HSF2BP: variants seen among roughly 807,000 people sequenced by gnomAD.
HSF2BP encodes heat shock factor 2-binding protein.
Under a neutral mutation model 35.0 loss-of-function variants are expected in HSF2BP, and 35 were observed. That is an observed-to-expected ratio of 1.00 (90% CI 0.76 to 1.32). The LOEUF (loss-of-function observed/expected upper bound fraction) is 1.32. Ranked by LOEUF, HSF2BP falls within the 40% of genes most tolerant of loss-of-function variation. The pLI is 0.00. For missense variants in HSF2BP, 326 were observed against 321.7 expected, an observed-to-expected ratio of 1.01 and a Z score of -0.10; for synonymous variants, 114 against 117.4, an observed-to-expected ratio of 0.97 and a Z score of 0.18.
At chr21:43,626,029 G>C (rs990374664) in intron 6 of HSF2BP, among the ~76,000 whole-genome samples, 64 of 152,152 alleles carry the variant, frequency 4.2e-4, no homozygotes, top group African/African-American at 1.4e-3. Context: ...AATGCCTTCT[G>C]TTAAAAGACA....
intron 6 of HSF2BP, among the ~76,000 whole-genome samples, chr21:43,625,633 T>C (rs918171312): frequency 6.6e-6 from 1 of 152,198 alleles, no homozygotes; most frequent in African/African-American, 2.4e-5. Context: ...AAAGGATCCA[T>C]TTGAGAGCTA....
rs1229635553 is a variant in HSF2BP, at chr21:43,597,477, T to TA, written c.693-5150dup. Among the ~76,000 whole-genome samples the TA allele has an allele frequency of 2.6e-5, 4 of 152,290 alleles. No homozygotes were observed. The highest frequency in any genetic ancestry group is 4.2e-4 in the South Asian group (2 of 4,818). ...TTTTTAAAAATGTAATGCAATATTT[T>TA]AAAAAAATATATTAAAAATGCCCTA... On this transcript the variant is annotated intron_variant, in intron 7 of 8. Coordinates refer to ENST00000291560, the MANE Select transcript of HSF2BP (RefSeq NM_007031.2). This position sits in a 1 kb window ranked among gnomAD's most constrained non-coding sequence, Gnocchi z 4.3.
chr21:43,622,715 A>G (rs544087884), intron 6 of HSF2BP, among the ~76,000 whole-genome samples: 3 of 152,312 alleles, frequency 2.0e-5, no homozygotes, highest in Non-Finnish European at 2.9e-5. Flanking sequence ...CTGCAGTACA[A>G]TAACAGTAGA....
chr21:43,650,919 T>C (rs899650176), intron 3 of HSF2BP, among the ~76,000 whole-genome samples: 2 of 151,954 alleles, frequency 1.3e-5, no homozygotes, highest in South Asian at 4.2e-4. Context: ...TGTCGGCCAG[T>C]CTGGTCTCGA....
chr21:43,653,051 C>CAGTGG (rs2082812024), intron 3 of HSF2BP, among the ~76,000 whole-genome samples: 1 of 151,968 alleles, frequency 6.6e-6, no homozygotes, highest in African/African-American at 2.4e-5. Context: ...AAGAGAATCG[C>CAGTGG]TTGAACCCAG....
intron 6 of HSF2BP, among the ~76,000 whole-genome samples, chr21:43,615,715 A>T (rs1318571863): frequency 3.9e-5 from 6 of 152,160 alleles, no homozygotes; most frequent in African/African-American, 1.4e-4. Flanking sequence ...TGATAGGTAC[A>T]TTTTCCAGAA....
intron 5 of HSF2BP, among the ~76,000 whole-genome samples, chr21:43,632,571 C>T (rs2082495220): frequency 6.6e-6 from 1 of 152,082 alleles, no homozygotes; most frequent in Admixed American, 6.5e-5. Flanking sequence ...GTAAAAGTTA[C>T]ACCAAGTGTG....
intron 4 of HSF2BP, among the ~76,000 whole-genome samples, chr21:43,636,272 A>AG (rs1183921760): frequency 1.2e-4 from 17 of 147,366 alleles, no homozygotes; most frequent in South Asian, 4.3e-4. Flanking sequence ...AGAAAAGAAA[A>AG]AACGAAGGGG....
At chr21:43,636,276 G>A (rs1047522686) in intron 4 of HSF2BP, among the ~76,000 whole-genome samples, 4 of 145,884 alleles carry the variant, frequency 2.7e-5, no homozygotes, top group African/African-American at 5.1e-5. Flanking sequence ...AAGAAAAAAC[G>A]AAGGGGAAAA....
intron 6 of HSF2BP, among the ~76,000 whole-genome samples, chr21:43,618,860 G>A (rs1252524819): frequency 6.6e-6 from 1 of 151,720 alleles, no homozygotes; most frequent in East Asian, 1.9e-4. Flanking sequence ...CAAAAGAATG[G>A]CGTGAACCCG....
At chr21:43,624,083 T>C (rs1379852047) in intron 6 of HSF2BP, among the ~76,000 whole-genome samples, 2 of 152,162 alleles carry the variant, frequency 1.3e-5, no homozygotes, top group Admixed American at 1.3e-4. Context: ...TGTCTGGCAG[T>C]TCCTCAAAAA....
the HSF2BP span, among the ~76,000 whole-genome samples, chr21:43,459,111 GCA>G: frequency 3.3e-5 from 2 of 59,708 alleles, no homozygotes; most frequent in Non-Finnish European, 7.0e-5. Flanking sequence ...TAGGCCACCT[GCA>G]CACTTCCTTG....
At chr21:43,593,989 T>A (rs2081956904) in intron 7 of HSF2BP, among the ~76,000 whole-genome samples, 1 of 152,018 alleles carries the variant, frequency 6.6e-6, no homozygotes, top group South Asian at 2.1e-4. Flanking sequence ...TCTACACACA[T>A]CACAATCAAA....
rs527590022 is a variant in HSF2BP, at chr21:43,601,608, G to A, written c.693-9280C>T. On this transcript the variant is annotated intron_variant, in intron 7 of 8. Coordinates refer to ENST00000291560, the MANE Select transcript of HSF2BP (RefSeq NM_007031.2). ...AAAAATGCCTTTCAGAAGAGCCGAT[G>A]TTCACAGCACCATCTACCAATTTAT... 2.0e-5 allele frequency among the ~76,000 whole-genome samples: 3 copies of A among 152,256 alleles called. No individual in the cohort carries two copies. The South Asian group carries it at 6.2e-4, about 32-fold the overall frequency.
At position 43,583,570 on chromosome 21, in the gene HSF2BP, G is replaced by C. The variant is rs138727894; in HGVS notation, c.796+8655C>G. Among the ~76,000 whole-genome samples the C allele has an allele frequency of 2.8e-5, 4 of 141,360 alleles. No individual in the cohort carries two copies. The East Asian group carries it at 9.0e-4, about 32-fold the overall frequency. The allele number at this position is 141,360 out of a possible 152,430, so 92.7% of individuals were successfully genotyped here. A position where few individuals can be genotyped will look rare whatever the true frequency, so the allele number is the denominator to read the frequency against. On this transcript the variant is annotated intron_variant, in intron 8 of 8. Transcript: ENST00000291560. ...ATGAGGACCTGCTGAGGGAGATGAAGACCTGCTGAGGGAGATGAGGACCTC... is the reference window on the plus strand; with the variant it reads ...ATGAGGACCTGCTGAGGGAGATGAACACCTGCTGAGGGAGATGAGGACCTC...
intron 7 of HSF2BP, among the ~76,000 whole-genome samples, chr21:43,609,408 G>A (rs2146896336): frequency 1.3e-5 from 2 of 152,172 alleles, no homozygotes; most frequent in East Asian, 3.9e-4. Context: ...TAACAAACCT[G>A]CACATGTACC....
Position 43,597,389 on chromosome 21 carries a change from G to A in HSF2BP, c.693-5061C>T, listed in dbSNP as rs894676306. Among the ~76,000 whole-genome samples the A allele has an allele frequency of 6.6e-6, 1 of 152,238 alleles. No individual in the cohort carries two copies. Among genetic ancestry groups the A allele is most frequent in the South Asian group, 2.1e-4 (1 of 4,836 alleles). On this transcript the variant is annotated intron_variant, in intron 7 of 8. Transcript: ENST00000291560. The surrounding 1 kb of genome is among the most constrained non-coding windows in gnomAD (Gnocchi z 4.3). The stretch of plus-strand genomic sequence containing the variant: ...AACTAGCACAGCCGGCTAGGATGAG[G>A]AGAGTAAGCCACTTGCTTTGGGTGT...
chr21:43,636,076 C>G (rs2082549476), intron 4 of HSF2BP, among the ~76,000 whole-genome samples: 1 of 150,776 alleles, frequency 6.6e-6, no homozygotes, highest in Non-Finnish European at 1.5e-5. Context: ...TTTTAAATAG[C>G]CAGGCATGGT....
intron 8 of HSF2BP, among the ~76,000 whole-genome samples, chr21:43,579,637 G>A (rs758185277): frequency 2.6e-5 from 4 of 151,880 alleles, no homozygotes; most frequent in Non-Finnish European, 4.4e-5. Context: ...CTTACTACCC[G>A]CCCCTCTTTC....
Sources: gnomAD v4.1 joint callset for allele counts (sites outside exome capture counted in the v4.1 genomes callset) on GRCh38, gnomAD v4.1.1 for gene constraint, Gnocchi (gnomAD v3.1) non-coding constraint, MANE v1.5 for transcripts, NCBI Gene and HGNC (gene_info 2026-07-23, HGNC 2026-07-21) for gene names.